Variants in SPIDR observed in about 807,000 individuals in gnomAD.
SPIDR encodes the protein scaffold protein involved in DNA repair, also known as DNA repair-scaffolding protein.
A neutral mutation model predicts 104.6 loss-of-function variants in SPIDR; 93 were observed. The ratio of observed to expected loss-of-function variants is 0.89; its 90% CI spans 0.75 to 1.06. The LOEUF (loss-of-function observed/expected upper bound fraction) is 1.06, where lower values mean the gene tolerates loss of function less well. Ranked by LOEUF, SPIDR falls within the 50% of genes least tolerant of loss-of-function variation. The probability of loss-of-function intolerance (pLI) is 0.00; values close to 1 mark genes in which losing one functional copy is unlikely to be tolerated. For synonymous variants in SPIDR, 431 were observed against 416.9 expected (o/e 1.03, Z -0.41); for missense variants, 1,154 against 1,111.2 (o/e 1.04, Z -0.55).
chr8:47,266,870 A>G (rs1468527695), intron 1 of SPIDR, among the ~76,000 whole-genome samples: 2 of 152,206 alleles, frequency 1.3e-5, no homozygotes, highest in African/African-American at 2.4e-5. Context: ...AAGAAACCCC[A>G]TAGCTATTAC....
At chr8:47,303,287 G>A (rs1025802790) in intron 5 of SPIDR, among the ~76,000 whole-genome samples, 6 of 152,174 alleles carry the variant, frequency 3.9e-5, no homozygotes, top group South Asian at 2.1e-4. Flanking sequence ...TGCTAAGACC[G>A]TTAGAAAAGC....
chr8:47,434,628 A>G (rs1381454460), intron 7 of SPIDR, among the ~76,000 whole-genome samples: 1 of 152,150 alleles, frequency 6.6e-6, no homozygotes, highest in Non-Finnish European at 1.5e-5. Flanking sequence ...CCTGCCCTCT[A>G]TTGGAGAATA....
intron 10 of SPIDR, chr8:47,673,539 G>A: frequency 3.7e-6 from 2 of 547,464 alleles, no homozygotes; most frequent in East Asian, 8.7e-5. Flanking sequence ...GCCTGTGGAT[G>A]GTGGTTCAAA....
chr8:47,554,846 A>T (rs2091122988), intron 8 of SPIDR, among the ~76,000 whole-genome samples: 1 of 152,156 alleles, frequency 6.6e-6, no homozygotes, highest in Non-Finnish European at 1.5e-5. Context: ...GGAGCTGTAG[A>T]CTGGAGCTGT....
chr8:47,301,144 A>G (rs2042009715), intron 5 of SPIDR, among the ~76,000 whole-genome samples: 1 of 152,166 alleles, frequency 6.6e-6, no homozygotes, highest in Non-Finnish European at 1.5e-5. Flanking sequence ...TATTGGGTGC[A>G]TATATATTTA....
At chr8:47,708,668 G>A (rs551473070) in intron 14 of SPIDR, among the ~76,000 whole-genome samples, 1 of 152,116 alleles carries the variant, frequency 6.6e-6, no homozygotes, top group African/African-American at 2.4e-5. Flanking sequence ...TCTGCTCCAC[G>A]TGTTTATTCC....
At chr8:47,633,014 C>T (rs1297799127) in intron 10 of SPIDR, among the ~76,000 whole-genome samples, 1 of 152,230 alleles carries the variant, frequency 6.6e-6, no homozygotes, top group Admixed American at 6.5e-5. Context: ...TAGCATCCAA[C>T]TTATTTCACA....
At chr8:47,263,114 A>G (rs1229070098) in intron 1 of SPIDR, among the ~76,000 whole-genome samples, 1 of 152,210 alleles carries the variant, frequency 6.6e-6, no homozygotes, top group Non-Finnish European at 1.5e-5. Context: ...CTCAGCAGAG[A>G]GGCTAAGTAA....
intron 10 of SPIDR, among the ~76,000 whole-genome samples, chr8:47,655,256 T>G (rs1317914050): frequency 6.6e-6 from 1 of 152,196 alleles, no homozygotes; most frequent in Non-Finnish European, 1.5e-5. Flanking sequence ...ATGGGATGGC[T>G]GGGTCAAATG....
intron 10 of SPIDR, among the ~76,000 whole-genome samples, chr8:47,669,977 C>CAACAA (rs2075578225): frequency 6.6e-6 from 1 of 152,108 alleles, no homozygotes; most frequent in East Asian, 1.9e-4. Flanking sequence ...TCCAGCCTGG[C>CAACAA]AACAGAGTGA....
At chr8:47,615,299 C>A (rs1399443853) in intron 10 of SPIDR, among the ~76,000 whole-genome samples, 1 of 151,992 alleles carries the variant, frequency 6.6e-6, no homozygotes, top group African/African-American at 2.4e-5. Flanking sequence ...TTTCTAAGAA[C>A]TGTTATCAAA....
chr8:47,443,520 G>A (rs1484355322), intron 8 of SPIDR, among the ~76,000 whole-genome samples: 3 of 142,128 alleles, frequency 2.1e-5, no homozygotes, highest in Admixed American at 7.3e-5. Flanking sequence ...GCAGGGAGCC[G>A]AGATTGCACC....
chr8:47,297,574 A>G (rs1400324052), intron 5 of SPIDR, among the ~76,000 whole-genome samples: 1 of 152,098 alleles, frequency 6.6e-6, no homozygotes, highest in Non-Finnish European at 1.5e-5. Flanking sequence ...GTCATTTAAC[A>G]TCAGGTATAT....
intron 8 of SPIDR, among the ~76,000 whole-genome samples, chr8:47,514,549 A>G (rs1007288524): frequency 6.6e-6 from 1 of 152,218 alleles, no homozygotes; most frequent in African/African-American, 2.4e-5. Context: ...ACAGTGAGGC[A>G]TAAAAGAGGG....
intron 5 of SPIDR, among the ~76,000 whole-genome samples, chr8:47,383,795 A>G (rs907136691): frequency 1.3e-5 from 2 of 152,184 alleles, no homozygotes; most frequent in African/African-American, 4.8e-5. Context: ...GTAAAACTAT[A>G]TATTTGTGTT....
At chr8:47,264,568 A>G (rs180980782) in intron 1 of SPIDR, among the ~76,000 whole-genome samples, 8 of 151,234 alleles carry the variant, frequency 5.3e-5, no homozygotes, top group African/African-American at 1.9e-4. Flanking sequence ...CCCTTTCCTT[A>G]TGAAGTAGCC....
chr8:47,394,568 G>C (rs2061026789), intron 5 of SPIDR, among the ~76,000 whole-genome samples: 1 of 152,314 alleles, frequency 6.6e-6, no homozygotes, highest in East Asian at 1.9e-4. Context: ...CGAGGGTGCT[G>C]CCAAGCACCC....
intron 9 of SPIDR, among the ~76,000 whole-genome samples, chr8:47,596,548 G>A (rs576594283): frequency 2.0e-4 from 31 of 152,186 alleles, no homozygotes; most frequent in Non-Finnish European, 4.1e-4. Flanking sequence ...GGAGCCCGTA[G>A]AACTGGAAGT....
intron 7 of SPIDR, among the ~76,000 whole-genome samples, chr8:47,417,149 G>A (rs1225656382): frequency 6.6e-6 from 1 of 152,106 alleles, no homozygotes; most frequent in Non-Finnish European, 1.5e-5. Context: ...CCCAGTAATG[G>A]GATGGCTGGG....
Sources: allele counts gnomAD v4.1 joint callset (sites outside exome capture counted in the v4.1 genomes callset), GRCh38; gene constraint gnomAD v4.1.1; transcripts MANE v1.5; gene names NCBI Gene and HGNC (gene_info 2026-07-23, HGNC 2026-07-21).